GRAMD2B: variants seen among roughly 807,000 people sequenced by gnomAD.
GRAMD2B encodes GRAM domain-containing protein 2B.
Under a neutral mutation model 59.2 loss-of-function variants are expected in GRAMD2B, and 41 were observed. The ratio of observed to expected loss-of-function variants is 0.69; its 90% CI spans 0.54 to 0.90. The LOEUF is 0.90. Ranked by LOEUF, GRAMD2B falls within the 40% of genes least tolerant of loss-of-function variation. GRAMD2B has a pLI of 0.00. For synonymous variants in GRAMD2B, 161 were observed against 182.7 expected, an observed-to-expected ratio of 0.88 and a Z score of 0.96; for missense variants, 424 against 500.5, an observed-to-expected ratio of 0.85 and a Z score of 1.46.
chr5:126,465,597 C>T lies in GRAMD2B; in HGVS notation c.203+52C>T, dbSNP rs183058162. On this transcript the variant is annotated intron_variant, in intron 2 of 13. Transcript: ENST00000285689. ...TCTCTTTTGTCTTTTGGGGAGAAGG[C>T]GTTACAGGAGGAGCAGGGGTTTTTT... 135 of 1,543,192 alleles carry T rather than the reference C, an allele frequency of 8.7e-5. 1 individual carries two copies. In the East Asian group the frequency reaches 1.7e-3, roughly 20 times the overall value.
chr5:126,470,804 C>A (rs1769417916), intron 3 of GRAMD2B, among the ~76,000 whole-genome samples: 1 of 152,136 alleles, frequency 6.6e-6, no homozygotes, highest in Non-Finnish European at 1.5e-5. Flanking sequence ...GGCGATCCAC[C>A]CACCTCTGCA....
upstream of GRAMD2B, among the ~76,000 whole-genome samples, chr5:126,370,776 A>G (rs1029502126): frequency 2.4e-4 from 37 of 152,274 alleles, no homozygotes; most frequent in South Asian, 4.1e-4. Flanking sequence ...GTTTGTTTGT[A>G]TTTGTTGTTA....
At chr5:126,490,685 G>A (rs1773766417) in intron 13 of GRAMD2B, among the ~76,000 whole-genome samples, 1 of 152,154 alleles carries the variant, frequency 6.6e-6, no homozygotes, top group South Asian at 2.1e-4. Flanking sequence ...GAGGCAGCTG[G>A]GCACTAGCGC....
intron 1 of GRAMD2B, among the ~76,000 whole-genome samples, chr5:126,436,304 A>C (rs1489014762): frequency 6.6e-6 from 1 of 152,174 alleles, no homozygotes; most frequent in Non-Finnish European, 1.5e-5. Flanking sequence ...CTATTTTTAG[A>C]CATTATACTG....
At chr5:126,481,203 AAAAG>A (rs199869481) in intron 8 of GRAMD2B, among the ~76,000 whole-genome samples, 2,112 of 80,022 alleles carry the variant, frequency 0.026, 50 homozygotes, top group African/African-American at 0.098. Flanking sequence ...AAAAAAAAAA[AAAAG>A]AAAGAAAGAA....
chr5:126,385,998 A>C (rs1438693796), intron 1 of GRAMD2B, among the ~76,000 whole-genome samples: 3 of 152,182 alleles, frequency 2.0e-5, no homozygotes. Flanking sequence ...AGAGGGTTGG[A>C]GGAAATGAGG....
chr5:126,418,076 G>C (rs1759407889), intron 1 of GRAMD2B, among the ~76,000 whole-genome samples: 1 of 152,152 alleles, frequency 6.6e-6, no homozygotes, highest in Non-Finnish European at 1.5e-5. Flanking sequence ...TGAAGCAGGA[G>C]AGACTGCATT....
chr5:126,429,683 T>C (rs1212365667), intron 1 of GRAMD2B, among the ~76,000 whole-genome samples: 1 of 152,174 alleles, frequency 6.6e-6, no homozygotes, highest in East Asian at 1.9e-4. Flanking sequence ...ACATGAAATG[T>C]AATTAAACTA....
chr5:126,488,364 G>C (rs1451924512), intron 12 of GRAMD2B, among the ~76,000 whole-genome samples: 1 of 152,172 alleles, frequency 6.6e-6, no homozygotes, highest in East Asian at 1.9e-4. Flanking sequence ...CGTGTTTCAA[G>C]GGACATTTGA....
intron 1 of GRAMD2B, among the ~76,000 whole-genome samples, chr5:126,414,281 A>C (rs531468742): frequency 1.3e-5 from 2 of 152,136 alleles, no homozygotes; most frequent in Non-Finnish European, 2.9e-5. Flanking sequence ...GTCTATTTCC[A>C]ATGTCTGAAT....
chr5:126,383,325 T>C (rs964816985), intron 1 of GRAMD2B, among the ~76,000 whole-genome samples: 2 of 152,218 alleles, frequency 1.3e-5, no homozygotes, highest in Admixed American at 6.5e-5. Flanking sequence ...GCAAATGTAA[T>C]TGAATTGAAG....
At chr5:126,447,539 C>T (rs1764492608) in intron 1 of GRAMD2B, among the ~76,000 whole-genome samples, 1 of 152,026 alleles carries the variant, frequency 6.6e-6, no homozygotes, top group Non-Finnish European at 1.5e-5. Context: ...TGGCGGGCGC[C>T]TGTAGTCCCA....
At chr5:126,372,211 C>T (rs1754821252) in intron 1 of GRAMD2B, among the ~76,000 whole-genome samples, 1 of 152,062 alleles carries the variant, frequency 6.6e-6, no homozygotes, top group Non-Finnish European at 1.5e-5. Context: ...CATTTTGTCT[C>T]ATTATATTTA....
chr5:126,441,566 T>C (rs2149832725), intron 1 of GRAMD2B, among the ~76,000 whole-genome samples: 1 of 152,354 alleles, frequency 6.6e-6, no homozygotes, highest in East Asian at 1.9e-4. Flanking sequence ...GCCTTTCTCC[T>C]CTTCTTCCCA....
At chr5:126,361,630 A>T (rs1754226817) in intron 1 of GRAMD2B, among the ~76,000 whole-genome samples, 1 of 152,192 alleles carries the variant, frequency 6.6e-6, no homozygotes, top group Admixed American at 6.5e-5. Context: ...CTGAAAATCT[A>T]ACAAGAAACA....
intron 1 of GRAMD2B, among the ~76,000 whole-genome samples, chr5:126,460,117 C>T (rs1332482246): frequency 6.6e-6 from 1 of 151,988 alleles, no homozygotes; most frequent in Non-Finnish European, 1.5e-5. Flanking sequence ...ACTGAAAGAA[C>T]ACCAAGATAA....
intron 1 of GRAMD2B, among the ~76,000 whole-genome samples, chr5:126,411,972 C>T (rs1487342090): frequency 6.6e-6 from 1 of 151,886 alleles, no homozygotes; most frequent in Non-Finnish European, 1.5e-5. Context: ...TATCCTGAAA[C>T]TTTACTAAGT....
intron 1 of GRAMD2B, among the ~76,000 whole-genome samples, chr5:126,383,985 T>C (rs558974190): frequency 2.2e-4 from 33 of 152,280 alleles, no homozygotes; most frequent in Non-Finnish European, 3.5e-4. Context: ...GTGACTGTTA[T>C]AGGACAACGA....
At position 126,472,965 on chromosome 5, in the gene GRAMD2B, C is replaced by T. The variant is rs2126840439; in HGVS notation, c.383-300C>T. ...GGGAACAGGTGTACTAATATCAGCA[C>T]ATGGTGACACACCAGGCTAAATAGA... On this transcript the variant is annotated intron_variant, in intron 4 of 13. Coordinates refer to ENST00000285689, the MANE Select transcript of GRAMD2B (RefSeq NM_023927.4). Among the ~76,000 whole-genome samples, 4 of 152,336 alleles carry T rather than the reference C, an allele frequency of 2.6e-5. No individual in the cohort carries two copies. The Middle Eastern group carries it at 0.014, about 518-fold the overall frequency.
Sources: allele counts gnomAD v4.1 joint callset (sites outside exome capture counted in the v4.1 genomes callset), GRCh38; gene constraint gnomAD v4.1.1; transcripts MANE v1.5; gene names NCBI Gene and HGNC (gene_info 2026-07-23, HGNC 2026-07-21).